Variants in HTR3B observed in about 807,000 individuals in gnomAD.
The protein encoded by HTR3B is 5-hydroxytryptamine (serotonin) receptor 3B, ionotropic.
A neutral mutation model predicts 42.8 loss-of-function variants in HTR3B; 44 were observed. The observed-to-expected ratio is 1.03, with a 90% CI of 0.81 to 1.32. HTR3B has a LOEUF of 1.32. HTR3B is among the 40% of genes most tolerant of loss of function. The pLI is 0.00. For missense variants in HTR3B, 527 were observed against 536.5 expected (o/e 0.98, Z 0.17); for synonymous variants, 203 against 209.0 (o/e 0.97, Z 0.25).
chr11:113,936,238 G>A (rs1442677648), intron 6 of HTR3B, among the ~76,000 whole-genome samples: 2 of 152,054 alleles, frequency 1.3e-5, no homozygotes, highest in African/African-American at 2.4e-5. Context: ...GTGGGAGGAG[G>A]TAGGAATACA....
intron 2 of HTR3B, among the ~76,000 whole-genome samples, chr11:113,917,989 C>A (rs1949873790): frequency 6.6e-6 from 1 of 152,146 alleles, no homozygotes; most frequent in Admixed American, 6.6e-5. Context: ...TGAAGTTTTT[C>A]TTATGCTTGC....
intron 2 of HTR3B, among the ~76,000 whole-genome samples, chr11:113,911,253 C>CAT (rs1333902662): frequency 6.6e-6 from 1 of 152,078 alleles, no homozygotes; most frequent in African/African-American, 2.4e-5. Flanking sequence ...TATTTTGAGA[C>CAT]AGAGTCTGGC....
intron 4 of HTR3B, 70 bp downstream of exon 4, chr11:113,931,937 T>G (rs1389800447): frequency 6.7e-6 from 6 of 897,392 alleles, no homozygotes; most frequent in Non-Finnish European, 1.1e-5. Context: ...TGCTGCTTAC[T>G]TTCAGTCAGT....
At chr11:113,908,271 T>G (rs1038297974) in intron 1 of HTR3B, among the ~76,000 whole-genome samples, 1 of 152,118 alleles carries the variant, frequency 6.6e-6, no homozygotes. Flanking sequence ...AAGAAATGGG[T>G]ATAAACAGGA....
At chr11:113,916,977 T>A (rs1203846213) in intron 2 of HTR3B, among the ~76,000 whole-genome samples, 1 of 152,132 alleles carries the variant, frequency 6.6e-6, no homozygotes, top group African/African-American at 2.4e-5. Flanking sequence ...GTGAGGAAAA[T>A]CAGTTTTACT....
At chr11:113,908,575 A>G (rs936758056) in intron 1 of HTR3B, among the ~76,000 whole-genome samples, 2 of 152,232 alleles carry the variant, frequency 1.3e-5, no homozygotes, top group South Asian at 4.1e-4. Context: ...GCTGGTGCTC[A>G]TTTCTCTTGC....
chr11:113,933,003 G>T lies in HTR3B; in HGVS notation c.606G>T (p.Leu202Phe), dbSNP rs1466153262. The T allele has an allele frequency of 4.3e-6, 7 of 1,613,996 alleles. No individual in the cohort carries two copies. The African/African-American group carries it at 8.0e-5, about 18-fold the overall frequency. The change falls in exon 6 of 9, where the codon TTG (leucine) becomes TTT (phenylalanine). Residue 202 changes from leucine to phenylalanine, a missense_variant. By Grantham distance (22) the Leu-to-Phe change is conservative. Coordinates refer to ENST00000260191, the MANE Select transcript of HTR3B (RefSeq NM_006028.5). ...EDIQHDKKAF[L>F]NDSEWELLSV... Reference sequence around the variant, plus strand: ...TTCAGCATGACAAAAAGGCGTTTTTGAATGACAGTGAGTGGGAACTTCTAT... The same window carrying T: ...TTCAGCATGACAAAAAGGCGTTTTTTAATGACAGTGAGTGGGAACTTCTAT...
intron 2 of HTR3B, among the ~76,000 whole-genome samples, chr11:113,909,979 G>A (rs1949770625): frequency 1.1e-5 from 1 of 93,370 alleles, no homozygotes; most frequent in Non-Finnish European, 1.9e-5. Flanking sequence ...TCCAGACCTT[G>A]TCTCCAAAAA....
intron 2 of HTR3B, among the ~76,000 whole-genome samples, chr11:113,924,864 T>C (rs1591577873): frequency 1.3e-5 from 2 of 152,138 alleles, no homozygotes; most frequent in African/African-American, 4.8e-5. Flanking sequence ...TTAATATCTG[T>C]AGAACAAGTT....
rs1950181863 is a variant in HTR3B, at chr11:113,946,476, C to T, written c.*339C>T. On this transcript the variant is annotated 3_prime_UTR_variant, in exon 9 of 9. Transcript: ENST00000260191. Reference sequence around the variant, plus strand: ...CCCAGGATTTCAAGGCTGCAGTGAGCCATGATTGCACCACTGCACCCCAGC... The same window carrying T: ...CCCAGGATTTCAAGGCTGCAGTGAGTCATGATTGCACCACTGCACCCCAGC... 1 of 169,364 alleles carries T rather than the reference C, an allele frequency of 5.9e-6. No homozygotes were observed. The highest frequency in any genetic ancestry group is 1.4e-4 in the South Asian group (1 of 7,356). The allele number at this position is 169,364 out of a possible 1,614,324, so 10.5% of individuals were successfully genotyped here.
rs534224716 is a variant in HTR3B, at chr11:113,945,280, G to A, written c.1090+525G>A. ...CTCCCGAGTAGCTAGGACTATAGGC[G>A]TGTGCCACCATGCCTTGCTAATTTT... is the stretch of plus-strand genomic sequence containing the variant. On this transcript the variant is annotated intron_variant, in intron 8 of 8. Coordinates refer to ENST00000260191, the MANE Select transcript of HTR3B (RefSeq NM_006028.5). Among the ~76,000 whole-genome samples the A allele has an allele frequency of 5.3e-5, 8 of 152,066 alleles. No individual in the cohort carries two copies. In the South Asian group the frequency reaches 6.2e-4, roughly 12 times the overall value.
intron 2 of HTR3B, among the ~76,000 whole-genome samples, chr11:113,916,222 A>G (rs1027375844): frequency 6.6e-6 from 1 of 152,232 alleles, no homozygotes; most frequent in African/African-American, 2.4e-5. Context: ...ACATTTGAAC[A>G]TGTTGAACAT....
intron 2 of HTR3B, among the ~76,000 whole-genome samples, chr11:113,912,999 T>A (rs909721534): frequency 1.3e-5 from 2 of 149,058 alleles, no homozygotes; most frequent in East Asian, 3.9e-4. Context: ...TGTATTTAAA[T>A]CATTATTATA....
chr11:113,935,085 G>C (rs1231571715), intron 6 of HTR3B, among the ~76,000 whole-genome samples: 2 of 152,100 alleles, frequency 1.3e-5, no homozygotes, highest in Non-Finnish European at 2.9e-5. Context: ...CCATAGAGCA[G>C]CTATTATTTG....
At chr11:113,901,773 A>G (rs918186201), upstream of HTR3B, among the ~76,000 whole-genome samples, 3 of 152,198 alleles carry the variant, frequency 2.0e-5, no homozygotes, top group Admixed American at 2.0e-4. Flanking sequence ...GAAAGTGCAA[A>G]GAAAAGGGAG....
chr11:113,923,338 T>C (rs1949934262), intron 2 of HTR3B, among the ~76,000 whole-genome samples: 1 of 152,212 alleles, frequency 6.6e-6, no homozygotes, highest in Non-Finnish European at 1.5e-5. Context: ...CTGTTTTGTT[T>C]ATATAAAAGA....
chr11:113,921,137 A>G (rs1949907570), intron 2 of HTR3B, among the ~76,000 whole-genome samples: 1 of 143,912 alleles, frequency 6.9e-6, no homozygotes, highest in East Asian at 2.1e-4. Context: ...CTGACTTCCT[A>G]TTTATTTTTA....
chr11:113,900,320 C>A (rs913312768), upstream of HTR3B, among the ~76,000 whole-genome samples: 4 of 152,064 alleles, frequency 2.6e-5, no homozygotes. Flanking sequence ...CTTACATATA[C>A]TGATCTGCTG....
intron 2 of HTR3B, among the ~76,000 whole-genome samples, chr11:113,920,485 C>T (rs1343481584): frequency 6.6e-6 from 1 of 152,096 alleles, no homozygotes; most frequent in Non-Finnish European, 1.5e-5. Context: ...AAACGATTCT[C>T]CTGCCTCAGC....
Sources: allele counts gnomAD v4.1 joint callset (sites outside exome capture counted in the v4.1 genomes callset), GRCh38; gene constraint gnomAD v4.1.1; transcripts MANE v1.5; gene names NCBI Gene and HGNC (gene_info 2026-07-23, HGNC 2026-07-21).